Variants in PACRG observed in about 807,000 individuals in gnomAD.
PACRG encodes the protein parkin coregulated, also known as parkin coregulated gene protein.
Under a neutral mutation model 29.7 loss-of-function variants are expected in PACRG, and 29 were observed. That is an observed-to-expected ratio of 0.98 (90% CI 0.73 to 1.33). The LOEUF is 1.33. Ranked by LOEUF, PACRG falls within the 40% of genes most tolerant of loss-of-function variation. PACRG has a pLI of 0.00. For missense variants in PACRG, 279 were observed against 316.2 expected, an observed-to-expected ratio of 0.88 and a Z score of 0.89; for synonymous variants, 116 against 118.7, an observed-to-expected ratio of 0.98 and a Z score of 0.15.
intron 2 of PACRG, among the ~76,000 whole-genome samples, chr6:162,967,340 G>C (rs183129623): frequency 1.3e-5 from 2 of 152,096 alleles, no homozygotes; most frequent in Admixed American, 1.3e-4. Context: ...ATAGAAATCT[G>C]AAAGTGTGTT....
intron 1 of PACRG, among the ~76,000 whole-genome samples, chr6:162,747,461 T>C (rs1781158044): frequency 9.6e-6 from 1 of 104,240 alleles, no homozygotes; most frequent in Non-Finnish European, 1.8e-5. Flanking sequence ...TAACTATAAA[T>C]ATATATGTAA....
chr6:163,306,492 AGTCT>A (rs1388713179), intron 4 of PACRG, among the ~76,000 whole-genome samples: 1 of 152,214 alleles, frequency 6.6e-6, no homozygotes, highest in African/African-American at 2.4e-5. Flanking sequence ...GCCTTTTTGT[AGTCT>A]TGACCAAATC....
chr6:163,294,563 T>C (rs114008200), intron 4 of PACRG, among the ~76,000 whole-genome samples: 2,327 of 152,310 alleles, frequency 0.015, 52 homozygotes, highest in African/African-American at 0.052. Flanking sequence ...TTTTTAAGGA[T>C]CAGTTAGGAA....
At chr6:162,935,606 C>A (rs1309541155) in intron 2 of PACRG, among the ~76,000 whole-genome samples, 1 of 151,276 alleles carries the variant, frequency 6.6e-6, no homozygotes, top group Non-Finnish European at 1.5e-5. Context: ...GAATTATTTT[C>A]CTGATTTATT....
At chr6:163,048,737 G>T (rs912622974) in intron 2 of PACRG, among the ~76,000 whole-genome samples, 1 of 152,032 alleles carries the variant, frequency 6.6e-6, no homozygotes, top group Non-Finnish European at 1.5e-5. Context: ...TCTCTTGATC[G>T]CTGGGTGATT....
chr6:162,992,093 C>G (rs1252934136), intron 2 of PACRG, among the ~76,000 whole-genome samples: 1 of 143,318 alleles, frequency 7.0e-6, no homozygotes, highest in Admixed American at 6.7e-5. Flanking sequence ...ATGAAGCCCA[C>G]TTGATCATGG....
chr6:162,803,038 TA>T (rs1481843233), intron 1 of PACRG, among the ~76,000 whole-genome samples: 5 of 152,126 alleles, frequency 3.3e-5, no homozygotes, highest in African/African-American at 9.7e-5. Context: ...TAGACCTCTC[TA>T]ATAAGGACTC....
intron 2 of PACRG, among the ~76,000 whole-genome samples, chr6:163,030,850 A>G (rs1807594688): frequency 6.6e-6 from 1 of 152,148 alleles, no homozygotes; most frequent in Non-Finnish European, 1.5e-5. Flanking sequence ...TTTCATCGCC[A>G]TCTTGGTTTT....
chr6:163,150,670 C>T (rs555885359), intron 4 of PACRG, among the ~76,000 whole-genome samples: 31 of 152,330 alleles, frequency 2.0e-4, no homozygotes, highest in African/African-American at 6.3e-4. Flanking sequence ...TGCTCCTACC[C>T]GTACCCGGGT....
chr6:163,276,285 C>T (rs1333329146), intron 4 of PACRG, among the ~76,000 whole-genome samples: 1 of 152,080 alleles, frequency 6.6e-6, no homozygotes, highest in Non-Finnish European at 1.5e-5. Context: ...TCCTTGGCCT[C>T]CCAAAGTGCT....
intron 1 of PACRG, among the ~76,000 whole-genome samples, chr6:162,747,402 GTA>G (rs68075936): frequency 0.45 from 12,278 of 27,420 alleles, 2,978 homozygotes; most frequent in South Asian, 0.7. Flanking sequence ...ATATATATAT[GTA>G]TATATATATA....
chr6:162,922,551 C>T (rs936444547), intron 2 of PACRG, among the ~76,000 whole-genome samples: 1 of 151,794 alleles, frequency 6.6e-6, no homozygotes, highest in Non-Finnish European at 1.5e-5. Flanking sequence ...TTAAGCAGCC[C>T]CTCCTTATTT....
chr6:162,921,780 A>G (rs1584761827), intron 2 of PACRG, among the ~76,000 whole-genome samples: 1 of 152,152 alleles, frequency 6.6e-6, no homozygotes, highest in Admixed American at 6.6e-5. Flanking sequence ...CTTATTTGGG[A>G]GAAAGAAGTC....
chr6:163,016,045 A>G (rs1266104278), intron 2 of PACRG, among the ~76,000 whole-genome samples: 1 of 152,162 alleles, frequency 6.6e-6, no homozygotes, highest in African/African-American at 2.4e-5. Context: ...TATTAAGTAA[A>G]TAAGATACAA....
intron 4 of PACRG, among the ~76,000 whole-genome samples, chr6:163,253,118 G>A (rs1245989804): frequency 2.0e-5 from 3 of 151,194 alleles, no homozygotes; most frequent in Admixed American, 6.6e-5. Flanking sequence ...CCAACGTGGC[G>A]AAACCCTGTC....
At chr6:163,079,090 A>G (rs907384135) in intron 3 of PACRG, among the ~76,000 whole-genome samples, 4 of 152,096 alleles carry the variant, frequency 2.6e-5, no homozygotes, top group African/African-American at 9.7e-5. Flanking sequence ...AGCATTAGAA[A>G]ACTGATTGCC....
At chr6:162,958,884 T>TATATAG (rs1562779944) in intron 2 of PACRG, among the ~76,000 whole-genome samples, 7 of 21,158 alleles carry the variant, frequency 3.3e-4, no homozygotes, top group Non-Finnish European at 5.7e-4. Context: ...TATATATATA[T>TATATAG]AGAGAGAGAG....
chr6:163,304,621 G>A (rs1206245594), intron 4 of PACRG, among the ~76,000 whole-genome samples: 1 of 152,218 alleles, frequency 6.6e-6, no homozygotes, highest in East Asian at 1.9e-4. Context: ...TGATGTGGAT[G>A]CAAAATCAAA....
chr6:163,312,361 C>G (rs1157716876), intron 4 of PACRG, among the ~76,000 whole-genome samples: 4 of 152,182 alleles, frequency 2.6e-5, no homozygotes, highest in African/African-American at 9.7e-5. Context: ...ACCAGCACCT[C>G]TGTTCAAATC....
Sources: gnomAD v4.1 joint callset for allele counts (sites outside exome capture counted in the v4.1 genomes callset) on GRCh38, gnomAD v4.1.1 for gene constraint, MANE v1.5 for transcripts, NCBI Gene and HGNC (gene_info 2026-07-23, HGNC 2026-07-21) for gene names.